Variants in ZFPM1 observed in about 807,000 individuals in gnomAD.
ZFPM1 encodes zinc finger protein ZFPM1.
In ZFPM1, 28 loss-of-function variants were observed where a neutral mutation model predicts 46.3. The ratio of observed to expected loss-of-function variants is 0.60; its 90% CI spans 0.45 to 0.83. ZFPM1 has a LOEUF of 0.83. Among genes scored for constraint, ZFPM1 ranks in the 40% least tolerant of loss-of-function variants. The pLI is 0.00. For missense variants in ZFPM1, 1,878 were observed against 1,432.4 expected (o/e 1.31, Z -5.02); for synonymous variants, 957 against 675.9 (o/e 1.42, Z -6.45).
intron 3 of ZFPM1, among the ~76,000 whole-genome samples, chr16:88,500,768 G>T (rs1910206185): frequency 6.6e-6 from 1 of 152,224 alleles, no homozygotes; most frequent in Non-Finnish European, 1.5e-5. Flanking sequence ...CAGGCTCCCT[G>T]GGGCTGCTGG....
At chr16:88,532,330 ACGGTGCCACCATTCACCTGCG>A in intron 7 of ZFPM1, 95 bp downstream of exon 7, 1 of 1,225,178 alleles carries the variant, frequency 8.2e-7, no homozygotes, top group South Asian at 1.5e-5. Context: ...GCAAGCACAC[ACGGTGCCACCATTCACCTGCG>A]CGGTCTCCGG....
chr16:88,486,122 G>A lies in ZFPM1; in HGVS notation c.145+79G>A, dbSNP rs1343543516. 2.1e-6 allele frequency: 3 copies of A among 1,419,818 alleles called. No individual in the cohort carries two copies. In the African/African-American group the frequency reaches 4.3e-5, roughly 20 times the overall value. 88.0% of individuals were successfully genotyped at this position (1,419,818 alleles called of 1,614,324 possible). On this transcript the variant is annotated intron_variant, in intron 2 of 9. Transcript: ENST00000319555. Reference sequence around the variant, plus strand: ...ACCCGTACCATGCCCTCAGAGCTCAGTGGTGTCTGAGAGGTGTGGGCCAAC... The same window carrying A: ...ACCCGTACCATGCCCTCAGAGCTCAATGGTGTCTGAGAGGTGTGGGCCAAC...
chr16:88,504,531 C>CAG (rs1174988745), intron 3 of ZFPM1, among the ~76,000 whole-genome samples: 1 of 152,140 alleles, frequency 6.6e-6, no homozygotes, highest in Non-Finnish European at 1.5e-5. Context: ...CTGTGGCTTT[C>CAG]AGACTCCTCA....
In ZFPM1 at chr16:88,534,667, TCCCGCC is replaced by T; in HGVS notation, c.2716_2721del (p.Pro906_Ala907del). On this transcript the variant is annotated inframe_deletion, in exon 10 of 10. Coordinates refer to ENST00000319555, the MANE Select transcript of ZFPM1 (RefSeq NM_153813.3). ...CGGCCGACCGCGGCCCCTCGCCCGCTCCCGCCCCCGCCGCCTCCCCGCAGCCCGGGT... is the reference window on the plus strand; with the variant it reads ...CGGCCGACCGCGGCCCCTCGCCCGCTCCCGCCGCCTCCCCGCAGCCCGGGT... 6 of 988,118 alleles carry T rather than the reference TCCCGCC, an allele frequency of 6.1e-6. No homozygotes were observed. The highest frequency in any genetic ancestry group is 5.2e-4 in the Middle Eastern group (1 of 1,932). The allele number at this position is 988,118 out of a possible 1,614,324, so 61.2% of individuals were successfully genotyped here.
chr16:88,512,763 C>T lies in ZFPM1; in HGVS notation c.269-1624C>T, dbSNP rs184130159. 6.3e-3 allele frequency among the ~76,000 whole-genome samples: 958 copies of T among 152,242 alleles called. 7 individuals carry two copies. Among genetic ancestry groups the T allele is most frequent in the African/African-American group, 0.022 (912 of 41,550 alleles). On this transcript the variant is annotated intron_variant, in intron 3 of 9. Coordinates refer to ENST00000319555, the MANE Select transcript of ZFPM1 (RefSeq NM_153813.3). ...CAGATGAGCACACACCAGGAGCTCC[C>T]ATCGGGGGAGTCTCTTCTCTCCCGT...
intron 1 of ZFPM1, among the ~76,000 whole-genome samples, chr16:88,485,717 G>C (rs1397768215): frequency 6.6e-6 from 1 of 152,186 alleles, no homozygotes; most frequent in Non-Finnish European, 1.5e-5. Context: ...TGGGATCACA[G>C]GTGTGAGCCA....
At chr16:88,516,261 A>G (rs555702892) in intron 4 of ZFPM1, 163 of 398,602 alleles carry the variant, frequency 4.1e-4, no homozygotes, top group Non-Finnish European at 6.6e-4. Flanking sequence ...GCACCGGCCC[A>G]GGAGTCATCC....
At chr16:88,520,023 G>A (rs1176270254) in intron 4 of ZFPM1, among the ~76,000 whole-genome samples, 1 of 150,472 alleles carries the variant, frequency 6.6e-6, no homozygotes, top group Non-Finnish European at 1.5e-5. Context: ...ATAAGTGGAT[G>A]GATGGGAGGA....
In ZFPM1 at chr16:88,461,047, G is replaced by A. The variant is rs374589610; in HGVS notation, c.40+7369G>A. Among the ~76,000 whole-genome samples the A allele has an allele frequency of 6.1e-3, 617 of 101,884 alleles. 92 individuals carry two copies. The highest frequency in any genetic ancestry group is 0.029 in the African/African-American group (526 of 17,990). The allele number at this position is 101,884 out of a possible 152,430, so 66.8% of individuals were successfully genotyped here. On this transcript the variant is annotated intron_variant, in intron 1 of 9. Coordinates refer to ENST00000319555, the MANE Select transcript of ZFPM1 (RefSeq NM_153813.3). ...GGAGGCCTGGTGAGGACCGAGGGGC[G>A]GGAGGCCCTGGTGAGGACCCAGGGG...
intron 4 of ZFPM1, among the ~76,000 whole-genome samples, chr16:88,517,737 A>G (rs1333059394): frequency 1.6e-5 from 2 of 123,414 alleles, no homozygotes; most frequent in African/African-American, 7.2e-5. Flanking sequence ...TGGATGGATG[A>G]ATGAATGGGT....
chr16:88,472,356 T>TA (rs1908465771), intron 1 of ZFPM1, among the ~76,000 whole-genome samples: 1 of 139,292 alleles, frequency 7.2e-6, no homozygotes, highest in African/African-American at 3.0e-5. Flanking sequence ...TGAATTTTCT[T>TA]TTTTTTTTTT....
intron 3 of ZFPM1, among the ~76,000 whole-genome samples, chr16:88,498,158 C>G (rs1205957918): frequency 2.0e-5 from 3 of 152,088 alleles, no homozygotes; most frequent in African/African-American, 4.8e-5. Context: ...GCCACCTCCT[C>G]TGGCTGTCCT....
chr16:88,492,193 C>T (rs79319808), intron 3 of ZFPM1, among the ~76,000 whole-genome samples: 11,655 of 151,982 alleles, frequency 0.077, 564 homozygotes, highest in South Asian at 0.16. Flanking sequence ...CTTTCTCTCT[C>T]TCTCTCTCTG....
Position 88,534,324 on chromosome 16 carries a change from C to G in ZFPM1, c.2366C>G (p.Pro789Arg). 7.4e-7 allele frequency: 1 copy of G among 1,343,696 alleles called. No individual in the cohort carries two copies. Among genetic ancestry groups the G allele is most frequent in the Non-Finnish European group, 9.5e-7 (1 of 1,047,672 alleles). The allele number at this position is 1,343,696 out of a possible 1,614,324, so 83.2% of individuals were successfully genotyped here. A position where few individuals can be genotyped will look rare whatever the true frequency, so the allele number is the denominator to read the frequency against. Reference sequence around the variant, plus strand: ...CTCGCCCCTGCGCGCTCGCCCGGCCCCGCGGCCGACGGCCCCATCGACCTG... The same window carrying G: ...CTCGCCCCTGCGCGCTCGCCCGGCCGCGCGGCCGACGGCCCCATCGACCTG... ...PGLAPARSPG[P>R]AADGPIDLSK... The change falls in exon 10 of 10, where the codon CCC (proline) becomes CGC (arginine). Residue 789 changes from proline (P) to arginine (R), a missense_variant. Coordinates refer to ENST00000319555, the MANE Select transcript of ZFPM1 (RefSeq NM_153813.3).
intron 3 of ZFPM1, among the ~76,000 whole-genome samples, chr16:88,502,412 C>T (rs1027542589): frequency 4.6e-5 from 7 of 152,084 alleles, no homozygotes; most frequent in Non-Finnish European, 1.0e-4. Context: ...ATAGGCCTGA[C>T]GCCTCTGTGC....
chr16:88,527,934 G>A, intron 5 of ZFPM1, 98 bp from the exon 6 acceptor site: 4 of 1,250,928 alleles, frequency 3.2e-6, no homozygotes, highest in Non-Finnish European at 4.3e-6. Flanking sequence ...TGTGAACCCG[G>A]GTGGCCGCTC....
intron 1 of ZFPM1, among the ~76,000 whole-genome samples, chr16:88,459,601 T>TCTCCTCCCCCTCCTCTCC (rs1907714653): frequency 2.4e-5 from 2 of 84,988 alleles, no homozygotes; most frequent in Non-Finnish European, 2.2e-5. Flanking sequence ...TCCTCCTCTT[T>TCTCCTCCCCCTCCTCTCC]CTCCTCCCCC....
chr16:88,471,507 G>T lies in ZFPM1; in HGVS notation c.41-14432G>T, dbSNP rs1908420920. Reference sequence around the variant, plus strand: ...ACCCCGAGACGACCATGCCCACAGTGGCTCCCACGCATAGTGGAGGGGCCA... The same window carrying T: ...ACCCCGAGACGACCATGCCCACAGTTGCTCCCACGCATAGTGGAGGGGCCA... On this transcript the variant is annotated intron_variant, in intron 1 of 9. Coordinates refer to ENST00000319555, the MANE Select transcript of ZFPM1 (RefSeq NM_153813.3). This position sits in a 1 kb window ranked among gnomAD's most constrained non-coding sequence, Gnocchi z 4.1. Among the ~76,000 whole-genome samples the T allele has an allele frequency of 6.6e-6, 1 of 152,010 alleles. No individual in the cohort carries two copies. The highest frequency in any genetic ancestry group is 1.5e-5 in the Non-Finnish European group (1 of 68,002).
intron 3 of ZFPM1, among the ~76,000 whole-genome samples, chr16:88,499,534 G>A (rs374647044): frequency 2.0e-5 from 3 of 152,230 alleles, no homozygotes; most frequent in South Asian, 4.1e-4. Flanking sequence ...GACCGCGCAC[G>A]TGGACAGGGC....
Sources: allele counts gnomAD v4.1 joint callset (sites outside exome capture counted in the v4.1 genomes callset), GRCh38; gene constraint gnomAD v4.1.1; non-coding constraint Gnocchi (gnomAD v3.1); transcripts MANE v1.5; gene names NCBI Gene and HGNC (gene_info 2026-07-23, HGNC 2026-07-21).